PELI2: variants seen among roughly 807,000 people sequenced by gnomAD.
The protein encoded by PELI2 is E3 ubiquitin-protein ligase pellino homolog 2.
In PELI2, 23 loss-of-function variants were observed where a neutral mutation model predicts 42.3. The observed-to-expected ratio is 0.54, with a 90% confidence interval of 0.39 to 0.77. PELI2 has a LOEUF of 0.77. Ranked by LOEUF, PELI2 falls within the 30% of genes least tolerant of loss-of-function variation. PELI2 has a pLI of 0.00. For missense variants in PELI2, 463 were observed against 553.2 expected (o/e 0.84, Z 1.64); for synonymous variants, 245 against 212.2 (o/e 1.15, Z -1.34).
At chr14:56,201,695 G>A (rs1282120548) in intron 2 of PELI2, among the ~76,000 whole-genome samples, 1 of 152,110 alleles carries the variant, frequency 6.6e-6, no homozygotes, top group East Asian at 1.9e-4. Context: ...TTTAGGGGGT[G>A]GCTCAGTTGC....
rs772024884 is a variant in PELI2, at chr14:56,198,010, A to ACACACACACACACACACC, written c.207+19549_207+19550insACACACACACACACCCAC. ...CACACACACACACACACACACACACACACCCACCTCTTTGGTCCACTTCTC... is the reference window on the plus strand; with the variant it reads ...CACACACACACACACACACACACACACACACACACACACACACCCACCCACCTCTTTGGTCCACTTCTC... On this transcript the variant is annotated intron_variant, in intron 2 of 5. Transcript: ENST00000267460. 5.2e-5 allele frequency among the ~76,000 whole-genome samples: 6 copies of ACACACACACACACACACC among 114,618 alleles called. 1 individual carries two copies. The highest frequency in any genetic ancestry group is 1.8e-4 in the African/African-American group (6 of 33,722). The allele number at this position is 114,618 out of a possible 152,430, so 75.2% of individuals were successfully genotyped here. A position where few individuals can be genotyped will look rare whatever the true frequency, so the allele number is the denominator to read the frequency against.
intron 2 of PELI2, among the ~76,000 whole-genome samples, chr14:56,218,539 A>AGATT (rs982279368): frequency 1.3e-5 from 2 of 152,266 alleles, no homozygotes; most frequent in Non-Finnish European, 2.9e-5. Context: ...GTCTTGTGCG[A>AGATT]GATTTTAAGG....
chr14:56,290,748 C>G lies in PELI2; in HGVS notation c.696+292C>G, dbSNP rs114878753. 9.5e-3 allele frequency among the ~76,000 whole-genome samples: 1,444 copies of G among 152,280 alleles called. 27 individuals are homozygous for G. The highest frequency in any genetic ancestry group is 0.033 in the African/African-American group (1,358 of 41,550). ...CACCACAAAAATCTACTTAAATTCACTTTAAGGAGAAGAAACTTATTTTTA... is the reference window on the plus strand; with the variant it reads ...CACCACAAAAATCTACTTAAATTCAGTTTAAGGAGAAGAAACTTATTTTTA... On this transcript the variant is annotated intron_variant, in intron 5 of 5. Coordinates refer to ENST00000267460, the MANE Select transcript of PELI2 (RefSeq NM_021255.3).
chr14:56,300,307 GA>G lies in PELI2; in HGVS notation c.*3144del. 1 of 152,760 alleles carries G rather than the reference GA, an allele frequency of 6.5e-6. No individual in the cohort carries two copies. The highest frequency in any genetic ancestry group is 2.4e-5 in the African/African-American group (1 of 41,578). The allele number at this position is 152,760 out of a possible 1,614,324, so 9.5% of individuals were successfully genotyped here. A position where few individuals can be genotyped will look rare whatever the true frequency, so the allele number is the denominator to read the frequency against. On this transcript the variant is annotated 3_prime_UTR_variant, in exon 6 of 6. Transcript: ENST00000267460. ...AAGGAGACTAATGAATCTGGATGCA[GA>G]AATATGTCAGAAACTGGCATAAACA...
chr14:56,285,569 C>T (rs1183302765), intron 3 of PELI2, among the ~76,000 whole-genome samples: 1 of 152,130 alleles, frequency 6.6e-6, no homozygotes, highest in East Asian at 1.9e-4. Flanking sequence ...TATTTACCAA[C>T]TGGCCTGAAA....
intron 1 of PELI2, among the ~76,000 whole-genome samples, chr14:56,126,499 C>G (rs1457663696): frequency 6.6e-6 from 1 of 152,186 alleles, no homozygotes; most frequent in Non-Finnish European, 1.5e-5. Context: ...AAGCTTTGTA[C>G]TTCCATTCTT....
At chr14:56,118,849 G>GGGGCGGCAGGAGAGGCTCTCA (rs1566590164) in intron 1 of PELI2, 112 bp downstream of exon 1, 2 of 617,206 alleles carry the variant, frequency 3.2e-6, no homozygotes, top group African/African-American at 1.9e-5. Context: ...CGGGGCGCTC[G>GGGGCGGCAGGAGAGGCTCTCA]GGGCGGCAGG....
chr14:56,278,568 A>G (rs572552497), intron 2 of PELI2, among the ~76,000 whole-genome samples: 2 of 152,342 alleles, frequency 1.3e-5, no homozygotes, highest in East Asian at 1.9e-4. Flanking sequence ...AAAATAAAAC[A>G]TCAGCTCAAT....
At chr14:56,152,156 C>T (rs1032755234) in intron 1 of PELI2, among the ~76,000 whole-genome samples, 23 of 152,224 alleles carry the variant, frequency 1.5e-4, no homozygotes, top group African/African-American at 5.3e-4. Flanking sequence ...TGTCCCAAAC[C>T]ATTACGTGGC....
chr14:56,165,331 G>C (rs1200764685), intron 1 of PELI2, among the ~76,000 whole-genome samples: 1 of 152,048 alleles, frequency 6.6e-6, no homozygotes, highest in Non-Finnish European at 1.5e-5. Context: ...TATTTGTATA[G>C]TTTCCAAAAT....
chr14:56,287,351 A>G (rs907719167), intron 3 of PELI2, among the ~76,000 whole-genome samples: 8 of 152,164 alleles, frequency 5.3e-5, no homozygotes, highest in African/African-American at 1.9e-4. Context: ...TTACTTTTCT[A>G]ATTTTCTTGT....
At chr14:56,166,714 A>C (rs1444049334) in intron 1 of PELI2, among the ~76,000 whole-genome samples, 1 of 151,782 alleles carries the variant, frequency 6.6e-6, no homozygotes, top group African/African-American at 2.4e-5. Context: ...TGAGGTTTCC[A>C]CTGAAAAGTC....
At chr14:56,144,416 A>T (rs911417673) in intron 1 of PELI2, among the ~76,000 whole-genome samples, 3 of 152,232 alleles carry the variant, frequency 2.0e-5, no homozygotes, top group Admixed American at 2.0e-4. Flanking sequence ...TTCTTCAGGG[A>T]AGCCAGAGTT....
intron 2 of PELI2, among the ~76,000 whole-genome samples, chr14:56,239,565 T>C (rs2139790239): frequency 6.6e-6 from 1 of 152,374 alleles, no homozygotes; most frequent in East Asian, 1.9e-4. Flanking sequence ...GGTATTTTCC[T>C]GTTTCTATTC....
intron 1 of PELI2, among the ~76,000 whole-genome samples, chr14:56,142,270 G>A (rs558931450): frequency 6.6e-6 from 1 of 152,306 alleles, no homozygotes; most frequent in Admixed American, 6.5e-5. Flanking sequence ...ATCTCTAAGT[G>A]GAGGCTTGCT....
intron 1 of PELI2, among the ~76,000 whole-genome samples, chr14:56,144,700 AT>A (rs1329172120): frequency 2.6e-5 from 4 of 152,214 alleles, no homozygotes; most frequent in Non-Finnish European, 5.9e-5. Flanking sequence ...GATGTATAAA[AT>A]TTTGTAAAGA....
chr14:56,173,081 G>T (rs1885238190), intron 1 of PELI2, among the ~76,000 whole-genome samples: 1 of 152,066 alleles, frequency 6.6e-6, no homozygotes, highest in South Asian at 2.1e-4. Context: ...AAGGCCCCAG[G>T]GTTATAATTT....
At chr14:56,125,793 G>C (rs1266665264) in intron 1 of PELI2, among the ~76,000 whole-genome samples, 1 of 152,144 alleles carries the variant, frequency 6.6e-6, no homozygotes, top group East Asian at 1.9e-4. Context: ...ATTGCCCCTT[G>C]AGGGTAGGAA....
chr14:56,178,183 G>A (rs976120979), intron 1 of PELI2, 152 bp from the exon 2 acceptor site: 21 of 660,916 alleles, frequency 3.2e-5, no homozygotes, highest in South Asian at 2.4e-4. Flanking sequence ...TACAGCTGAA[G>A]TCTGTATTGC....
Sources: gnomAD v4.1 joint callset for allele counts (sites outside exome capture counted in the v4.1 genomes callset) on GRCh38, gnomAD v4.1.1 for gene constraint, MANE v1.5 for transcripts, NCBI Gene and HGNC (gene_info 2026-07-23, HGNC 2026-07-21) for gene names.